KHDRBS3: variants seen among roughly 807,000 people sequenced by gnomAD.
KHDRBS3 encodes the protein KH RNA binding domain containing, signal transduction associated 3.
A neutral mutation model predicts 45.6 loss-of-function variants in KHDRBS3; 23 were observed. The observed-to-expected ratio is 0.50, with a 90% CI of 0.36 to 0.72. The LOEUF is 0.72. Ranked by LOEUF, KHDRBS3 falls within the 30% of genes least tolerant of loss-of-function variation. The probability of loss-of-function intolerance (pLI) is 0.00; values close to 1 mark genes in which losing one functional copy is unlikely to be tolerated. For synonymous variants in KHDRBS3, 162 were observed against 156.5 expected (o/e 1.04, Z -0.26); for missense variants, 352 against 424.8 (o/e 0.83, Z 1.51).
intron 5 of KHDRBS3, 55 bp from the exon 6 acceptor site, chr8:135,581,823 A>T: frequency 7.0e-6 from 9 of 1,281,106 alleles, no homozygotes; most frequent in Non-Finnish European, 8.3e-6. Flanking sequence ...ATATGTGAAT[A>T]ACAGAATGTT....
intron 1 of KHDRBS3, among the ~76,000 whole-genome samples, chr8:135,501,281 A>G (rs1414740335): frequency 1.3e-5 from 2 of 152,240 alleles, no homozygotes; most frequent in African/African-American, 4.8e-5. Context: ...GTCTTCAGAC[A>G]TATCCAGTTG....
At chr8:135,613,797 A>G (rs1336388673) in intron 7 of KHDRBS3, among the ~76,000 whole-genome samples, 2 of 151,676 alleles carry the variant, frequency 1.3e-5, no homozygotes, top group Admixed American at 6.6e-5. Flanking sequence ...AAACTTGAGT[A>G]AGACAGCAAG....
chr8:135,602,295 C>G (rs1456874515), intron 6 of KHDRBS3, among the ~76,000 whole-genome samples: 1 of 152,132 alleles, frequency 6.6e-6, no homozygotes, highest in African/African-American at 2.4e-5. Context: ...AAGCGTTGTC[C>G]ACTGAACAAA....
At chr8:135,539,136 G>A (rs1187330352) in intron 2 of KHDRBS3, 1 of 152,258 alleles carries the variant, frequency 6.6e-6, no homozygotes, top group East Asian at 1.9e-4. Flanking sequence ...AGGACCATCT[G>A]TTTCTGATGC....
rs1826945699 is a variant in KHDRBS3 at position 135,557,503 on chromosome 8, G to A, written c.527G>A (p.Gly176Asp). 6.2e-7 allele frequency: 1 copy of A among 1,609,200 alleles called. No individual in the cohort carries two copies. Among genetic ancestry groups the A allele is most frequent in the African/African-American group, 1.3e-5 (1 of 74,814 alleles). ...AQLQELTYLN[G>D]GSENADVPVV... ...CTCCAGGAGTTAACATATTTGAATG[G>A]TGGTTCAGAAAATGCAGATGTTCCA... The change falls in exon 5 of 9, where the codon GGT (glycine) becomes GAT (aspartate). Residue 176 changes from glycine (G) to aspartate (D), a missense_variant. Physicochemically the swap from Gly to Asp is moderately conservative, Grantham distance 94 (BLOSUM62 -1). This residue lies in a region of KHDRBS3 where 12 missense variants were observed against 38.0 expected (regional missense o/e 0.32). Transcript: ENST00000355849.
At chr8:135,545,692 G>T (rs1826265271) in intron 3 of KHDRBS3, among the ~76,000 whole-genome samples, 1 of 152,120 alleles carries the variant, frequency 6.6e-6, no homozygotes, top group Non-Finnish European at 1.5e-5. Flanking sequence ...TTTTCCACCA[G>T]TTTTGTCTAT....
At chr8:135,516,620 C>T (rs1744598617) in intron 1 of KHDRBS3, among the ~76,000 whole-genome samples, 1 of 148,436 alleles carries the variant, frequency 6.7e-6, no homozygotes, top group South Asian at 2.1e-4. Context: ...CATTTGGTAC[C>T]GATCTTTGAC....
intron 1 of KHDRBS3, among the ~76,000 whole-genome samples, chr8:135,476,871 A>T (rs1822316715): frequency 6.6e-6 from 1 of 152,260 alleles, no homozygotes. Context: ...TGTTGAAAGT[A>T]TAGTGACTTA....
At chr8:135,519,325 G>A (rs1461636872) in intron 1 of KHDRBS3, among the ~76,000 whole-genome samples, 1 of 152,064 alleles carries the variant, frequency 6.6e-6, no homozygotes, top group Non-Finnish European at 1.5e-5. Flanking sequence ...TTAGCGTCAG[G>A]CCTCCTCCCC....
At chr8:135,630,986 C>T (rs1343838570) in intron 7 of KHDRBS3, among the ~76,000 whole-genome samples, 3 of 152,172 alleles carry the variant, frequency 2.0e-5, no homozygotes, top group South Asian at 2.1e-4. Context: ...CGGTGGCTCA[C>T]GCCTGTAATC....
At chr8:135,547,890 G>C (rs1422444414) in intron 3 of KHDRBS3, among the ~76,000 whole-genome samples, 1 of 152,150 alleles carries the variant, frequency 6.6e-6, no homozygotes, top group East Asian at 1.9e-4. Flanking sequence ...AGGTTAGTTA[G>C]GAAAAGGCAG....
chr8:135,651,628 C>A (rs1251650472), downstream of KHDRBS3, among the ~76,000 whole-genome samples: 1 of 152,126 alleles, frequency 6.6e-6, no homozygotes. Context: ...TTCCCTTGGG[C>A]AGATATAGTG....
At chr8:135,652,906 G>A (rs183941333) in intron 4 of KHDRBS3, among the ~76,000 whole-genome samples, 60 of 152,326 alleles carry the variant, frequency 3.9e-4, no homozygotes, top group Middle Eastern at 3.4e-3. Context: ...TGAATAAAGT[G>A]GATGTGGTAG....
intron 7 of KHDRBS3, among the ~76,000 whole-genome samples, chr8:135,634,660 A>G (rs1830737921): frequency 6.6e-6 from 1 of 152,168 alleles, no homozygotes; most frequent in Non-Finnish European, 1.5e-5. Flanking sequence ...ATTTGAGGGT[A>G]ATCTCTATAT....
chr8:135,479,455 A>G (rs1480280122), intron 1 of KHDRBS3, among the ~76,000 whole-genome samples: 1 of 152,204 alleles, frequency 6.6e-6, no homozygotes, highest in Non-Finnish European at 1.5e-5. Flanking sequence ...TTGGCATGCT[A>G]TAACAAAATT....
intron 1 of KHDRBS3, among the ~76,000 whole-genome samples, chr8:135,516,445 C>T (rs1824606090): frequency 6.6e-6 from 1 of 152,166 alleles, no homozygotes; most frequent in African/African-American, 2.4e-5. Flanking sequence ...AATTTTTCAG[C>T]TTCATTATAA....
intron 1 of KHDRBS3, among the ~76,000 whole-genome samples, chr8:135,481,999 C>T (rs900992280): frequency 3.3e-4 from 50 of 152,206 alleles, no homozygotes; most frequent in Admixed American, 2.8e-3. Context: ...GTTTGGTTGC[C>T]TTTCAAATAG....
At chr8:135,544,061 T>C (rs1432900850) in intron 3 of KHDRBS3, among the ~76,000 whole-genome samples, 2 of 152,168 alleles carry the variant, frequency 1.3e-5, no homozygotes, top group Admixed American at 1.3e-4. Flanking sequence ...TGAAAACATA[T>C]ATTTGGCCAG....
intron 5 of KHDRBS3, among the ~76,000 whole-genome samples, chr8:135,564,141 G>A (rs1390664337): frequency 2.0e-5 from 3 of 152,184 alleles, no homozygotes; most frequent in African/African-American, 7.2e-5. Flanking sequence ...TATGGGAACT[G>A]TCAGCTTAAG....
Sources: allele counts gnomAD v4.1 joint callset (sites outside exome capture counted in the v4.1 genomes callset), GRCh38; gene constraint gnomAD v4.1.1; regional missense constraint gnomAD v4.1.1; transcripts MANE v1.5; gene names NCBI Gene and HGNC (gene_info 2026-07-23, HGNC 2026-07-21).